The following SSPN variants were observed in gnomAD, a reference collection of about 807,000 sequenced individuals.
SSPN encodes the protein sarcospan.
SSPN carries 15 observed loss-of-function variants against 19.1 expected under a neutral mutation model. The ratio of observed to expected loss-of-function variants is 0.78; its 90% CI spans 0.52 to 1.21. The LOEUF is 1.21. Among genes scored for constraint, SSPN ranks in the 50% most tolerant of loss-of-function variants. The pLI, the probability that SSPN is intolerant of heterozygous loss-of-function variation, is 0.00. For missense variants in SSPN, 291 were observed against 314.0 expected (o/e 0.93, Z 0.55); for synonymous variants, 147 against 140.3 (o/e 1.05, Z -0.34).
At position 26,195,641 on chromosome 12, in the gene SSPN, G is replaced by GCGGGGGCCCC; in HGVS notation, c.-31_-30insGGGGGCCCCC. On this transcript the variant is annotated 5_prime_UTR_variant, in exon 1 of 3. Transcript: ENST00000242729. ...CTCCAGGGCCCAGGGCGCCGCACAC[G>GCGGGGGCCCC]CACCCACCCACCCACCCAGCCTCGC... is the stretch of plus-strand genomic sequence containing the variant. 17 of 1,105,380 alleles carry GCGGGGGCCCC rather than the reference G, an allele frequency of 1.5e-5. No individual in the cohort carries two copies. The highest frequency in any genetic ancestry group is 3.7e-5 in the South Asian group (1 of 27,366). The allele number at this position is 1,105,380 out of a possible 1,614,324, so 68.5% of individuals were successfully genotyped here. A position where few individuals can be genotyped will look rare whatever the true frequency, so the allele number is the denominator to read the frequency against.
chr12:26,233,461 TAGAA>T lies in SSPN; in HGVS notation c.*2390_*2393del, dbSNP rs995962613. 5.3e-5 allele frequency: 8 copies of T among 151,862 alleles called. No homozygotes were observed. Among genetic ancestry groups the T allele is most frequent in the East Asian group, 1.9e-4 (1 of 5,174 alleles). 9.4% of individuals were successfully genotyped at this position (151,862 alleles called of 1,614,324 possible). ...CCAAGGAAAAAAAATCATAAACAAA[TAGAA>T]AGAACTAAACAGAAAAGAAAGAAAG... On this transcript the variant is annotated 3_prime_UTR_variant, in exon 3 of 3. Coordinates refer to ENST00000242729, the MANE Select transcript of SSPN (RefSeq NM_005086.5). This position sits in a 1 kb window ranked among gnomAD's most constrained non-coding sequence, Gnocchi z 4.3.
At chr12:26,205,332 T>C (rs7134869) in intron 1 of SSPN, among the ~76,000 whole-genome samples, 139 of 152,222 alleles carry the variant, frequency 9.1e-4, no homozygotes, top group Non-Finnish European at 1.6e-3. Context: ...CCCTCTCTCT[T>C]GTATGGAAGA....
chr12:26,196,068 T>A, intron 1 of SSPN, 117 bp downstream of exon 1: 1 of 890,758 alleles, frequency 1.1e-6, no homozygotes, highest in Non-Finnish European at 1.6e-6. Context: ...CTCTTCTAAC[T>A]CGCGCTCTGC....
chr12:26,226,203 C>T (rs1945174312), intron 2 of SSPN, among the ~76,000 whole-genome samples: 1 of 152,118 alleles, frequency 6.6e-6, no homozygotes, highest in Non-Finnish European at 1.5e-5. Flanking sequence ...GAGCTTCAGC[C>T]CATCTCCAGA....
rs981783070 is a variant in SSPN at position 26,195,710 on chromosome 12, A to AG, written c.44dup (p.Pro17AlafsTer96). On this transcript the variant is annotated frameshift_variant, in exon 1 of 3. Transcript: ENST00000242729. LOFTEE classifies it high-confidence loss of function. ...AAGCAGCCACGCGGCCAGCAGAGGCAGGGGGGCCCGCCGGCCGCGGACGCC... is the reference window on the plus strand; with the variant it reads ...AAGCAGCCACGCGGCCAGCAGAGGCAGGGGGGGCCCGCCGGCCGCGGACGCC... The AG allele has an allele frequency of 6.8e-6, 8 of 1,178,346 alleles. No individual in the cohort carries two copies. In the South Asian group the frequency reaches 1.1e-4, roughly 16 times the overall value. 73.0% of individuals were successfully genotyped at this position (1,178,346 alleles called of 1,614,324 possible).
At chr12:26,218,991 A>C (rs112627467) in intron 1 of SSPN, among the ~76,000 whole-genome samples, 2,838 of 152,338 alleles carry the variant, frequency 0.019, 88 homozygotes, top group African/African-American at 0.065. Context: ...TCTTGTTACT[A>C]TATTGATTGG....
At chr12:26,122,382 G>C (rs1243702473) in intron 1 of SSPN, 1 of 1,212,252 alleles carries the variant, frequency 8.2e-7, no homozygotes. Flanking sequence ...AGCCGCCGCC[G>C]GGTACAGATA....
intron 1 of SSPN, among the ~76,000 whole-genome samples, chr12:26,126,768 C>T (rs1944368867): frequency 6.6e-6 from 1 of 152,244 alleles, no homozygotes; most frequent in African/African-American, 2.4e-5. Flanking sequence ...GAGACGCTCG[C>T]GGTCCGTTCA....
intron 1 of SSPN, among the ~76,000 whole-genome samples, chr12:26,139,656 C>T (rs1196396258): frequency 6.6e-6 from 1 of 152,078 alleles, no homozygotes; most frequent in Non-Finnish European, 1.5e-5. Context: ...AATAACTAAT[C>T]TGAAAAGCAA....
chr12:26,137,669 T>A lies in SSPN; in HGVS notation c.-31+15517T>A, dbSNP rs1335925771. Among the ~76,000 whole-genome samples the A allele has an allele frequency of 4.4e-3, 507 of 116,066 alleles. 11 individuals carry two copies. Among genetic ancestry groups the A allele is most frequent in the African/African-American group, 5.7e-3 (154 of 27,218 alleles). The allele number at this position is 116,066 out of a possible 152,430, so 76.1% of individuals were successfully genotyped here. ...ATATATATATATATTTTTTTTTTTTTTTTTTTTTTTTTTGAGATGGAGTCT... is the reference window on the plus strand; with the variant it reads ...ATATATATATATATTTTTTTTTTTTATTTTTTTTTTTTTGAGATGGAGTCT... On this transcript the variant is annotated intron_variant, in intron 1 of 2. Coordinates refer to the SSPN transcript ENST00000538142.
chr12:26,179,919 C>CTTTTTTTGTTTTT (rs1944708119), intron 1 of SSPN: 1 of 68,268 alleles, frequency 1.5e-5, no homozygotes, highest in African/African-American at 6.1e-5. Context: ...TTTAGCTAGG[C>CTTTTTTTGTTTTT]TTTTTTTTTT....
chr12:26,142,269 T>G (rs543703865), intron 1 of SSPN, among the ~76,000 whole-genome samples: 1 of 152,132 alleles, frequency 6.6e-6, no homozygotes, highest in African/African-American at 2.4e-5. Context: ...CTGTTGATAG[T>G]ATATTGAAGG....
chr12:26,130,898 C>CTT lies in SSPN; in HGVS notation c.-31+8757_-31+8758dup, dbSNP rs112933150. Reference sequence around the variant, plus strand: ...CAACTGAGCAAGGTCTCTTAAGGAGCTTTTTTTTTTTTGCAAGCTCCACCC... The same window carrying CTT: ...CAACTGAGCAAGGTCTCTTAAGGAGCTTTTTTTTTTTTTTGCAAGCTCCACCC... On this transcript the variant is annotated intron_variant, in intron 1 of 2. Coordinates refer to the SSPN transcript ENST00000538142. 2.6e-3 allele frequency among the ~76,000 whole-genome samples: 378 copies of CTT among 145,698 alleles called. 1 individual carries two copies. The highest frequency in any genetic ancestry group is 7.5e-3 in the African/African-American group (299 of 39,898).
chr12:26,138,820 A>C (rs939111462), intron 1 of SSPN, among the ~76,000 whole-genome samples: 1 of 152,186 alleles, frequency 6.6e-6, no homozygotes, highest in Admixed American at 6.5e-5. Context: ...GCATAAATTC[A>C]GGCCAATAAA....
intron 1 of SSPN, among the ~76,000 whole-genome samples, chr12:26,155,281 G>A (rs1363178219): frequency 2.6e-5 from 4 of 152,160 alleles, no homozygotes; most frequent in African/African-American, 9.7e-5. Flanking sequence ...AGGGAAAGGT[G>A]AATTAGAAGA....
chr12:26,202,406 ATTAAC>A (rs1378322539), intron 1 of SSPN, among the ~76,000 whole-genome samples: 1 of 152,224 alleles, frequency 6.6e-6, no homozygotes, highest in Non-Finnish European at 1.5e-5. Context: ...TTCAGAACAT[ATTAAC>A]TTAACATTAC....
chr12:26,156,111 GAAAATTAAT>G (rs1362849748), intron 1 of SSPN, among the ~76,000 whole-genome samples: 1 of 152,190 alleles, frequency 6.6e-6, no homozygotes, highest in Non-Finnish European at 1.5e-5. Flanking sequence ...AAAGGAGTAA[GAAAATTAAT>G]ATTTTTTGGC....
At chr12:26,131,258 G>A (rs753206515) in intron 1 of SSPN, among the ~76,000 whole-genome samples, 8 of 152,168 alleles carry the variant, frequency 5.3e-5, no homozygotes, top group Non-Finnish European at 1.0e-4. Flanking sequence ...GGTCCTTAAC[G>A]TCTGTATTTT....
intron 1 of SSPN, among the ~76,000 whole-genome samples, chr12:26,137,636 G>GTGTGTATATATA (rs1555175653): frequency 3.2e-5 from 1 of 31,354 alleles, no homozygotes; most frequent in African/African-American, 1.3e-4. Flanking sequence ...GTGTGTGTAT[G>GTGTGTATATATA]TATATATATA....
Sources: gnomAD v4.1 joint callset for allele counts (sites outside exome capture counted in the v4.1 genomes callset) on GRCh38, gnomAD v4.1.1 for gene constraint, Gnocchi (gnomAD v3.1) non-coding constraint, MANE v1.5 for transcripts, NCBI Gene and HGNC (gene_info 2026-07-23, HGNC 2026-07-21) for gene names.